MPPED2: variants seen among roughly 807,000 people sequenced by gnomAD.
MPPED2 encodes metallophosphoesterase domain containing 2, also known as metallophosphoesterase MPPED2.
Under a neutral mutation model 33.0 loss-of-function variants are expected in MPPED2, and 5 were observed. The observed-to-expected ratio is 0.15, with a 90% CI of 0.08 to 0.32. The LOEUF (loss-of-function observed/expected upper bound fraction) is 0.32. Ranked by LOEUF, MPPED2 falls within the 10% of genes least tolerant of loss-of-function variation. The pLI is 1.00. For synonymous variants in MPPED2, 136 were observed against 141.9 expected (o/e 0.96, Z 0.29); for missense variants, 275 against 372.1 (o/e 0.74, Z 2.15).
In MPPED2 at chr11:30,420,821, G is replaced by T. The variant is rs527431693; in HGVS notation, c.537-3188C>A. Among the ~76,000 whole-genome samples, 3 of 152,164 alleles carry T rather than the reference G, an allele frequency of 2.0e-5. No homozygotes were observed. The East Asian group carries it at 5.8e-4, about 29-fold the overall frequency. On this transcript the variant is annotated intron_variant, in intron 4 of 6. Coordinates refer to ENST00000358117, the MANE Select transcript of MPPED2 (RefSeq NM_001584.3). ...TTCAGGTTCTTAAACATTTTTATTA[G>T]AGTCTAAAATACAGCTTTTCTCATT...
chr11:30,434,503 T>C (rs1360761555), intron 4 of MPPED2, among the ~76,000 whole-genome samples: 2 of 152,238 alleles, frequency 1.3e-5, no homozygotes, highest in Non-Finnish European at 2.9e-5. Flanking sequence ...TTTATCATCC[T>C]GGAGCAATAA....
At chr11:30,441,329 G>A (rs1198522741) in intron 4 of MPPED2, 1 of 152,198 alleles carries the variant, frequency 6.6e-6, no homozygotes, top group East Asian at 1.9e-4. Context: ...AAAGGTTTAA[G>A]TAGCAGTTTA....
At chr11:30,489,438 T>A (rs529073954) in intron 4 of MPPED2, among the ~76,000 whole-genome samples, 7 of 152,250 alleles carry the variant, frequency 4.6e-5, no homozygotes, top group Admixed American at 1.3e-4. Context: ...GAAAATTACA[T>A]CTAAATGAAT....
intron 2 of MPPED2, among the ~76,000 whole-genome samples, chr11:30,571,486 C>CAAAAAAAGAA (rs1555009638): frequency 2.9e-4 from 44 of 150,668 alleles, no homozygotes; most frequent in African/African-American, 1.1e-3. Flanking sequence ...CATTAAATAA[C>CAAAAAAAGAA]AAAAAAAGAA....
chr11:30,577,673 C>CCATA (rs1238180575), intron 2 of MPPED2, among the ~76,000 whole-genome samples: 1 of 152,180 alleles, frequency 6.6e-6, no homozygotes, highest in East Asian at 1.9e-4. Flanking sequence ...TGACCACCTA[C>CCATA]CATAGGTCAG....
At chr11:30,459,021 G>C (rs899533252) in intron 4 of MPPED2, among the ~76,000 whole-genome samples, 33 of 145,776 alleles carry the variant, frequency 2.3e-4, no homozygotes, top group African/African-American at 7.9e-4. Context: ...CGCCTCCCGG[G>C]TTCACGCCAT....
At chr11:30,426,823 C>A (rs1403611653) in intron 4 of MPPED2, among the ~76,000 whole-genome samples, 3 of 152,164 alleles carry the variant, frequency 2.0e-5, no homozygotes, top group African/African-American at 7.2e-5. Flanking sequence ...CAGGAGGTGA[C>A]CTGGGGCATC....
chr11:30,489,961 C>A (rs10219386), intron 4 of MPPED2, among the ~76,000 whole-genome samples: 12,055 of 151,542 alleles, frequency 0.08, 1,524 homozygotes, highest in African/African-American at 0.27. Flanking sequence ...AAAAGAAGAG[C>A]CTAGTCCCAC....
chr11:30,448,270 G>A (rs567665380), intron 4 of MPPED2, among the ~76,000 whole-genome samples: 2 of 152,306 alleles, frequency 1.3e-5, no homozygotes, highest in African/African-American at 4.8e-5. Context: ...TCCCTGTTGT[G>A]GGGAGGGAGC....
intron 4 of MPPED2, chr11:30,429,082 A>C (rs1466743971): frequency 6.6e-6 from 1 of 152,216 alleles, no homozygotes; most frequent in African/African-American, 2.4e-5. Flanking sequence ...CTTGGGAGAT[A>C]GAAAAGAGAA....
intron 2 of MPPED2, among the ~76,000 whole-genome samples, chr11:30,572,374 T>A (rs1956735934): frequency 6.6e-6 from 1 of 152,114 alleles, no homozygotes; most frequent in African/African-American, 2.4e-5. Flanking sequence ...AGTCCAACTG[T>A]CACGGACCAC....
At chr11:30,504,396 A>T (rs1471017569) in intron 3 of MPPED2, among the ~76,000 whole-genome samples, 1 of 152,184 alleles carries the variant, frequency 6.6e-6, no homozygotes, top group African/African-American at 2.4e-5. Flanking sequence ...CTAAGGAGAC[A>T]TTTCATCTAA....
At chr11:30,562,142 T>C (rs1043992361) in intron 2 of MPPED2, among the ~76,000 whole-genome samples, 2 of 152,126 alleles carry the variant, frequency 1.3e-5, no homozygotes, top group Non-Finnish European at 2.9e-5. Flanking sequence ...CCACCTAACT[T>C]GTTTGAAATG....
chr11:30,458,225 T>C (rs1480967886), intron 4 of MPPED2, among the ~76,000 whole-genome samples: 1 of 151,896 alleles, frequency 6.6e-6, no homozygotes, highest in Non-Finnish European at 1.5e-5. Flanking sequence ...AGTTAGAAAA[T>C]AAAGAAGGAA....
intron 4 of MPPED2, among the ~76,000 whole-genome samples, chr11:30,465,972 G>T (rs1950690850): frequency 6.6e-6 from 1 of 152,116 alleles, no homozygotes; most frequent in South Asian, 2.1e-4. Flanking sequence ...GTAATTACAA[G>T]GCCTTCCCCA....
chr11:30,541,688 G>A lies in MPPED2; in HGVS notation c.129-5513C>T, dbSNP rs139430970. On this transcript the variant is annotated intron_variant, in intron 2 of 6. Coordinates refer to ENST00000358117, the MANE Select transcript of MPPED2 (RefSeq NM_001584.3). ...CCTCACTGCAACCTCTGCCTCCTGG[G>A]TTCAAGCAATTCTCCTGCCTCAGCC... Among the ~76,000 whole-genome samples, 1,272 of 152,198 alleles carry A rather than the reference G, an allele frequency of 8.4e-3. 17 individuals carry two copies. The highest frequency in any genetic ancestry group is 0.029 in the African/African-American group (1,201 of 41,526).
At chr11:30,523,022 C>T (rs2134388949) in intron 3 of MPPED2, among the ~76,000 whole-genome samples, 1 of 152,242 alleles carries the variant, frequency 6.6e-6, no homozygotes, top group Admixed American at 6.5e-5. Context: ...CATGTTCACA[C>T]CAAAACAAAG....
At chr11:30,431,638 G>T (rs1427509143) in intron 4 of MPPED2, among the ~76,000 whole-genome samples, 2 of 152,164 alleles carry the variant, frequency 1.3e-5, no homozygotes, top group Non-Finnish European at 2.9e-5. Context: ...CTACATTCTA[G>T]TTGTATTGGG....
intron 4 of MPPED2, chr11:30,428,963 T>G (rs1948962259): frequency 6.6e-6 from 1 of 152,170 alleles, no homozygotes; most frequent in Non-Finnish European, 1.5e-5. Context: ...TTTCTCTACT[T>G]TTCAGATGTA....
Sources: gnomAD v4.1 joint callset for allele counts (sites outside exome capture counted in the v4.1 genomes callset) on GRCh38, gnomAD v4.1.1 for gene constraint, MANE v1.5 for transcripts, NCBI Gene and HGNC (gene_info 2026-07-23, HGNC 2026-07-21) for gene names.